The following DSCAM variants were observed in gnomAD, a reference collection of about 807,000 sequenced individuals.
DSCAM encodes DS cell adhesion molecule.
DSCAM carries 47 observed loss-of-function variants against 217.7 expected under a neutral mutation model. The observed-to-expected ratio is 0.22, with a 90% CI of 0.17 to 0.28. DSCAM has a LOEUF of 0.28. Ranked by LOEUF, DSCAM falls within the 10% of genes least tolerant of loss-of-function variation. The pLI, the probability that DSCAM is intolerant of heterozygous loss-of-function variation, is 1.00. For missense variants in DSCAM, 2,080 were observed against 2,618.3 expected (o/e 0.79, Z 4.49); for synonymous variants, 1,056 against 1,015.3 (o/e 1.04, Z -0.76).
At position 40,298,018 on chromosome 21, in the gene DSCAM, T is replaced by C. The variant is rs143512998; in HGVS notation, c.2063-1844A>G. On this transcript the variant is annotated intron_variant, in intron 9 of 32. Transcript: ENST00000400454. ...TTAAGATTAGAAAAGTTCTCAGAACTGTGGAGATATTAACTGCTGTAAGAG... is the reference window on the plus strand; with the variant it reads ...TTAAGATTAGAAAAGTTCTCAGAACCGTGGAGATATTAACTGCTGTAAGAG... 5.1e-3 allele frequency among the ~76,000 whole-genome samples: 780 copies of C among 152,180 alleles called. 9 individuals carry two copies. The highest frequency in any genetic ancestry group is 0.018 in the African/African-American group (743 of 41,498).
At chr21:40,521,657 T>A (rs2076360283) in intron 3 of DSCAM, among the ~76,000 whole-genome samples, 1 of 152,150 alleles carries the variant, frequency 6.6e-6, no homozygotes, top group African/African-American at 2.4e-5. Flanking sequence ...CACTCATATG[T>A]GAAATCTAAA....
Position 40,043,114 on chromosome 21 carries a change from A to G in DSCAM, c.5384-441T>C, listed in dbSNP as rs79023368. Among the ~76,000 whole-genome samples the G allele has an allele frequency of 4.8e-3, 730 of 152,252 alleles. 7 individuals are homozygous for G. The highest frequency in any genetic ancestry group is 0.017 in the African/African-American group (704 of 41,560). The stretch of plus-strand genomic sequence containing the variant: ...TCAGCTCAGGAAGGAAGATGTGATG[A>G]TATTTAGAAATAAAGATGTCATGTT... On this transcript the variant is annotated intron_variant, in intron 31 of 32. Coordinates refer to ENST00000400454, the MANE Select transcript of DSCAM (RefSeq NM_001389.5).
At chr21:40,712,803 T>C (rs541723334) in intron 1 of DSCAM, among the ~76,000 whole-genome samples, 3 of 147,598 alleles carry the variant, frequency 2.0e-5, no homozygotes, top group East Asian at 4.1e-4. Flanking sequence ...TGTATAGAAG[T>C]TGAGACAGAG....
At chr21:40,478,252 A>T (rs1463636905) in intron 3 of DSCAM, among the ~76,000 whole-genome samples, 1 of 151,992 alleles carries the variant, frequency 6.6e-6, no homozygotes, top group Non-Finnish European at 1.5e-5. Flanking sequence ...TGTTTGGGGG[A>T]ATTTGCATAG....
At chr21:40,378,554 ATTTTTTTTTTTTTTTTTTT>A (rs71186931) in intron 3 of DSCAM, among the ~76,000 whole-genome samples, 3 of 75,650 alleles carry the variant, frequency 4.0e-5, no homozygotes, top group East Asian at 4.0e-4. Context: ...ATGAAAACTT[ATTTTTTTTTTTTTTTTTTT>A]TTTTTTTTTT....
intron 8 of DSCAM, among the ~76,000 whole-genome samples, chr21:40,331,837 T>G (rs1276331601): frequency 6.6e-6 from 1 of 152,246 alleles, no homozygotes; most frequent in Non-Finnish European, 1.5e-5. Context: ...AATATGACTC[T>G]GAAAGCTTGG....
At chr21:40,130,859 A>G (rs1252153157) in intron 19 of DSCAM, among the ~76,000 whole-genome samples, 2 of 152,196 alleles carry the variant, frequency 1.3e-5, no homozygotes, top group African/African-American at 4.8e-5. Context: ...TCTTTTTAGT[A>G]TGACCAGTGA....
At chr21:40,749,789 G>A (rs999544285) in intron 1 of DSCAM, among the ~76,000 whole-genome samples, 10 of 152,138 alleles carry the variant, frequency 6.6e-5, no homozygotes, top group African/African-American at 1.2e-4. Flanking sequence ...TTACTCCAGC[G>A]CTGTTCACAG....
intron 32 of DSCAM, among the ~76,000 whole-genome samples, chr21:40,028,983 T>C (rs946275303): frequency 1.3e-5 from 2 of 152,212 alleles, no homozygotes; most frequent in Non-Finnish European, 2.9e-5. Context: ...TACCTGAATT[T>C]TGAATTTGCC....
rs1165809302 is a variant in DSCAM, at chr21:40,087,962, C to T, written c.3851-675G>A. On this transcript the variant is annotated intron_variant, in intron 21 of 32. Coordinates refer to ENST00000400454, the MANE Select transcript of DSCAM (RefSeq NM_001389.5). ...GCCCAGGGTGAACTTGCCTTGAAGT[C>T]CAGTGTGGCCAGCAATGAGAGGTTC... Among the ~76,000 whole-genome samples, 3 of 152,306 alleles carry T rather than the reference C, an allele frequency of 2.0e-5. No homozygotes were observed. In the East Asian group the frequency reaches 5.8e-4, roughly 29 times the overall value.
At chr21:40,577,012 T>C (rs4816690) in intron 3 of DSCAM, among the ~76,000 whole-genome samples, 67,386 of 148,966 alleles carry the variant, frequency 0.45, 15,960 homozygotes, top group Admixed American at 0.55. Context: ...AAAAAAAAAA[T>C]AAGATGCAAA....
chr21:40,487,322 TGTGTGAGAGAGAGAGA>T (rs1194914569), intron 3 of DSCAM, among the ~76,000 whole-genome samples: 9 of 138,436 alleles, frequency 6.5e-5, no homozygotes, highest in African/African-American at 2.6e-4. Flanking sequence ...TGTGTGTGTG[TGTGTGAGAGAGAGAGA>T]GAGAGAGAGA....
chr21:40,139,389 G>A (rs1307562828), intron 18 of DSCAM, among the ~76,000 whole-genome samples: 1 of 151,990 alleles, frequency 6.6e-6, no homozygotes. Context: ...TGGAAGGCAG[G>A]ACAACCTGAA....
chr21:40,538,920 G>C (rs1487788644), intron 3 of DSCAM, among the ~76,000 whole-genome samples: 1 of 152,182 alleles, frequency 6.6e-6, no homozygotes, highest in African/African-American at 2.4e-5. Context: ...AGGTCAAGTA[G>C]TAGAGGATGA....
At chr21:40,766,280 C>T (rs1367113055) in intron 1 of DSCAM, among the ~76,000 whole-genome samples, 1 of 152,002 alleles carries the variant, frequency 6.6e-6, no homozygotes, top group East Asian at 1.9e-4. Flanking sequence ...TTTCCCCATA[C>T]ATAAAAATAT....
chr21:40,634,994 G>A (rs2089737555), intron 3 of DSCAM, among the ~76,000 whole-genome samples: 1 of 152,176 alleles, frequency 6.6e-6, no homozygotes, highest in Non-Finnish European at 1.5e-5. Flanking sequence ...ACAAAGATAG[G>A]AATTTTGTCT....
intron 11 of DSCAM, among the ~76,000 whole-genome samples, chr21:40,249,311 A>G (rs1040707445): frequency 6.6e-6 from 1 of 152,158 alleles, no homozygotes; most frequent in Non-Finnish European, 1.5e-5. Flanking sequence ...TCATAGGGGT[A>G]GTTTCCCCGA....
chr21:40,731,732 C>CA (rs1417738175), intron 1 of DSCAM, among the ~76,000 whole-genome samples: 3 of 114,796 alleles, frequency 2.6e-5, no homozygotes, highest in Non-Finnish European at 5.8e-5. Context: ...CACTGCACCC[C>CA]CCCCCCCGCC....
chr21:40,631,727 G>T (rs1350844980), intron 3 of DSCAM, among the ~76,000 whole-genome samples: 2 of 152,192 alleles, frequency 1.3e-5, no homozygotes, highest in Non-Finnish European at 2.9e-5. Context: ...GAGGGCCAAA[G>T]AAGTCATCCA....
Sources: gnomAD v4.1 joint callset for allele counts (sites outside exome capture counted in the v4.1 genomes callset) on GRCh38, gnomAD v4.1.1 for gene constraint, MANE v1.5 for transcripts, NCBI Gene and HGNC (gene_info 2026-07-23, HGNC 2026-07-21) for gene names.